Variants in RIT2 observed in about 807,000 individuals in gnomAD.
The protein encoded by RIT2 is Ras like without CAAX 2, also known as GTP-binding protein Rit2.
A neutral mutation model predicts 23.7 loss-of-function variants in RIT2; 24 were observed. The observed-to-expected ratio is 1.01, with a 90% CI of 0.73 to 1.43. RIT2 has a LOEUF of 1.43. RIT2 is among the 40% of genes most tolerant of loss of function. RIT2 has a pLI of 0.00. For synonymous variants in RIT2, 107 were observed against 91.1 expected (o/e 1.17, Z -0.99); for missense variants, 236 against 266.9 (o/e 0.88, Z 0.81).
At chr18:43,106,927 T>C (rs747620981) in intron 1 of RIT2, among the ~76,000 whole-genome samples, 3 of 152,186 alleles carry the variant, frequency 2.0e-5, no homozygotes, top group Admixed American at 6.5e-5. Context: ...GGTATTTATT[T>C]ATGAGGAAAG....
At position 43,040,255 on chromosome 18, in the gene RIT2, G is replaced by T. The variant is rs541521668; in HGVS notation, c.104-6388C>A. ...AAAATTAAGCTGCATGCATGTGTGAGTGTGGGTAGTGGAGAGATTGATGGA... is the reference window on the plus strand; with the variant it reads ...AAAATTAAGCTGCATGCATGTGTGATTGTGGGTAGTGGAGAGATTGATGGA... On this transcript the variant is annotated intron_variant, in intron 1 of 4. Coordinates refer to ENST00000326695, the MANE Select transcript of RIT2 (RefSeq NM_002930.4). Among the ~76,000 whole-genome samples, 4 of 152,322 alleles carry T rather than the reference G, an allele frequency of 2.6e-5. No individual in the cohort carries two copies. The South Asian group carries it at 8.3e-4, about 32-fold the overall frequency.
At chr18:43,086,746 A>G (rs1291497387) in intron 1 of RIT2, among the ~76,000 whole-genome samples, 4 of 152,162 alleles carry the variant, frequency 2.6e-5, no homozygotes, top group African/African-American at 9.7e-5. Flanking sequence ...TGGGGATGCT[A>G]ACCTCCTGGA....
intron 4 of RIT2, among the ~76,000 whole-genome samples, chr18:42,850,175 T>G (rs1907015246): frequency 6.6e-6 from 1 of 151,626 alleles, no homozygotes; most frequent in African/African-American, 2.4e-5. Context: ...ACAGGACATT[T>G]AGGGAAGAAA....
At chr18:42,743,759 G>A (rs765274954) in intron 4 of RIT2, 39 bp from the exon 5 acceptor site, 62 of 1,449,000 alleles carry the variant, frequency 4.3e-5, no homozygotes, top group Non-Finnish European at 5.5e-5. Flanking sequence ...GACAGAAAGA[G>A]AAAGACTCTT....
intron 4 of RIT2, among the ~76,000 whole-genome samples, chr18:42,793,331 C>G (rs1184730140): frequency 6.6e-6 from 1 of 152,182 alleles, no homozygotes; most frequent in African/African-American, 2.4e-5. Context: ...TGTTTTACTT[C>G]TTGGCCTGTT....
intron 1 of RIT2, among the ~76,000 whole-genome samples, chr18:43,085,153 T>C (rs1461562702): frequency 6.6e-6 from 1 of 152,040 alleles, no homozygotes. Context: ...ACTACTCTTA[T>C]ATAGCATTAA....
At chr18:43,056,650 C>T (rs973693838) in intron 1 of RIT2, among the ~76,000 whole-genome samples, 3 of 152,020 alleles carry the variant, frequency 2.0e-5, no homozygotes, top group African/African-American at 7.2e-5. Context: ...TCATAAAGGT[C>T]GTAAAGAATT....
intron 3 of RIT2, among the ~76,000 whole-genome samples, chr18:42,951,468 C>T (rs606618): frequency 0.36 from 54,188 of 151,688 alleles, 12,711 homozygotes; most frequent in East Asian, 0.85. Flanking sequence ...AAACTAACAG[C>T]TGGATGCTAT....
At chr18:43,108,084 A>T (rs1464444729) in intron 1 of RIT2, among the ~76,000 whole-genome samples, 4 of 151,544 alleles carry the variant, frequency 2.6e-5, no homozygotes, top group Non-Finnish European at 5.9e-5. Flanking sequence ...CTGAGGCAGG[A>T]TAATGGTGTG....
intron 4 of RIT2, among the ~76,000 whole-genome samples, chr18:42,750,604 T>A (rs1329186048): frequency 6.6e-6 from 1 of 151,816 alleles, no homozygotes; most frequent in Non-Finnish European, 1.5e-5. Context: ...TCAGATCACA[T>A]CAAATCATGC....
intron 4 of RIT2, among the ~76,000 whole-genome samples, chr18:42,892,477 C>T (rs1386729102): frequency 6.6e-6 from 1 of 152,098 alleles, no homozygotes; most frequent in African/African-American, 2.4e-5. Context: ...GGAAATAATC[C>T]TGCTTAAGAG....
intron 4 of RIT2, among the ~76,000 whole-genome samples, chr18:42,855,933 T>C (rs1907169765): frequency 6.6e-6 from 1 of 152,148 alleles, no homozygotes; most frequent in Non-Finnish European, 1.5e-5. Context: ...CTATGTCTGT[T>C]CTGTCTTTAT....
intron 1 of RIT2, among the ~76,000 whole-genome samples, chr18:43,087,250 T>A (rs953659874): frequency 6.6e-6 from 1 of 151,486 alleles, no homozygotes; most frequent in Non-Finnish European, 1.5e-5. Flanking sequence ...TCAAAAAAAA[T>A]AAAATAAAAT....
At chr18:42,903,818 G>A (rs1399182125) in intron 4 of RIT2, among the ~76,000 whole-genome samples, 1 of 152,040 alleles carries the variant, frequency 6.6e-6, no homozygotes, top group Non-Finnish European at 1.5e-5. Context: ...AACAATGGAA[G>A]TATAAGCAAA....
At chr18:42,827,822 G>A (rs933084251) in intron 4 of RIT2, among the ~76,000 whole-genome samples, 9 of 151,642 alleles carry the variant, frequency 5.9e-5, no homozygotes, top group Non-Finnish European at 8.8e-5. Flanking sequence ...TGGCTAACAC[G>A]GTGAAACCCC....
At chr18:42,917,775 T>C (rs983747336) in intron 4 of RIT2, among the ~76,000 whole-genome samples, 5 of 152,102 alleles carry the variant, frequency 3.3e-5, no homozygotes, top group Admixed American at 2.0e-4. Flanking sequence ...CTAAATCCAA[T>C]TGTGAAGATT....
intron 4 of RIT2, among the ~76,000 whole-genome samples, chr18:42,801,783 G>A (rs976771936): frequency 6.6e-6 from 1 of 152,108 alleles, no homozygotes; most frequent in Admixed American, 6.6e-5. Flanking sequence ...GTTACAGAGG[G>A]AATATGATGT....
Position 42,974,091 on chromosome 18 carries a change from A to G in RIT2, c.217T>C (p.Leu73=). 6.2e-7 allele frequency: 1 copy of G among 1,611,394 alleles called. No individual in the cohort carries two copies. The highest frequency in any genetic ancestry group is 8.5e-7 in the Non-Finnish European group (1 of 1,178,276). Residue 73 remains leucine, a synonymous_variant, in exon 3 of 5, where the codon TTG becomes CTG. Coordinates refer to ENST00000326695, the MANE Select transcript of RIT2 (RefSeq NM_002930.4). ...IDNEPAYLDI[L]DTAGQAEFTA... is the part of the protein sequence containing the mutation. ...TCACCTACCTGGCCAGCAGTGTCCA[A>G]GATGTCCAAGTAAGCTGGCTCATTG...
chr18:42,755,065 C>T (rs928487271), intron 4 of RIT2, among the ~76,000 whole-genome samples: 2 of 152,068 alleles, frequency 1.3e-5, no homozygotes, highest in Admixed American at 6.6e-5. Flanking sequence ...TAATAGGATT[C>T]AATGAGCTAT....
Sources: gnomAD v4.1 joint callset for allele counts (sites outside exome capture counted in the v4.1 genomes callset) on GRCh38, gnomAD v4.1.1 for gene constraint, MANE v1.5 for transcripts, NCBI Gene and HGNC (gene_info 2026-07-23, HGNC 2026-07-21) for gene names.